BSDC1: variants seen among roughly 807,000 people sequenced by gnomAD.
The protein encoded by BSDC1 is BSD domain containing 1, also known as BSD domain-containing protein 1.
A neutral mutation model predicts 56.0 loss-of-function variants in BSDC1; 29 were observed. The ratio of observed to expected loss-of-function variants is 0.52; its 90% CI spans 0.39 to 0.71. The LOEUF (loss-of-function observed/expected upper bound fraction) is 0.71, where lower values mean the gene tolerates loss of function less well. BSDC1 is among the 30% of genes least tolerant of loss of function. The probability of loss-of-function intolerance (pLI) is 0.00; values close to 1 mark genes in which losing one functional copy is unlikely to be tolerated. For missense variants in BSDC1, 477 were observed against 548.5 expected, an observed-to-expected ratio of 0.87 and a Z score of 1.30; for synonymous variants, 210 against 215.3, an observed-to-expected ratio of 0.98 and a Z score of 0.21.
rs779922889 is a variant in BSDC1, at chr1:32,394,106, G to C, written c.46C>G (p.Gln16Glu). 3.7e-6 allele frequency: 6 copies of C among 1,610,024 alleles called. No homozygotes were observed. The highest frequency in any genetic ancestry group is 1.3e-5 in the African/African-American group (1 of 74,824). ...TTCTCTTTGACTGCTTGGTAGCTCT[G>C]CTGCAGCCAGCTCCGCCACCATCCC... Reference protein sequence around the residue: ...DVGWWRSWLQQSYQAVKEKSS... With the variant: ...DVGWWRSWLQESYQAVKEKSS... Residue 16 changes from glutamine to glutamate, a missense_variant, in exon 2 of 11, where the codon CAG becomes GAG. Gln to Glu is a conservative substitution (Grantham distance 29). Coordinates refer to ENST00000455895, the MANE Select transcript of BSDC1 (RefSeq NM_018045.8).
Position 32,376,321 on chromosome 1 carries a change from C to T in BSDC1, c.1097G>A (p.Arg366Gln), listed in dbSNP as rs1475430376. 5.0e-6 allele frequency: 8 copies of T among 1,600,782 alleles called. No homozygotes were observed. The highest frequency in any genetic ancestry group is 4.4e-5 in the South Asian group (4 of 90,258). Reference protein sequence around the residue: ...TLREEAPTDLRVFELNSDSGK... With the variant: ...TLREEAPTDLQVFELNSDSGK... The stretch of plus-strand genomic sequence containing the variant: ...ACTATCCGAGTTCAGCTCAAACACC[C>T]GTAAGTCTGTGGGCGCCTCCTCCCT... Residue 366 changes from arginine to glutamine, a missense_variant, in exon 9 of 11, where the codon CGG (arginine) becomes CAG (glutamine). By Grantham distance (43) the Arg-to-Gln change is conservative (BLOSUM62 1). Coordinates refer to ENST00000455895, the MANE Select transcript of BSDC1 (RefSeq NM_018045.8).
chr1:32,393,212 C>G (rs140809156), intron 2 of BSDC1, among the ~76,000 whole-genome samples: 2 of 152,208 alleles, frequency 1.3e-5, no homozygotes, highest in African/African-American at 4.8e-5. Context: ...CTGATTTTGA[C>G]AAATAAGCAT....
At chr1:32,385,418 GA>G (rs1642629439) in intron 3 of BSDC1, among the ~76,000 whole-genome samples, 2 of 152,102 alleles carry the variant, frequency 1.3e-5, no homozygotes, top group South Asian at 4.1e-4. Context: ...TGTATCCCCT[GA>G]ATCTAAAATT....
intron 9 of BSDC1, 150 bp from the exon 10 acceptor site, chr1:32,368,700 CTTTTTT>C (rs112555694): frequency 5.2e-6 from 5 of 960,414 alleles, no homozygotes; most frequent in Non-Finnish European, 7.1e-6. Context: ...ACCAATCGTA[CTTTTTT>C]TTTTTGTTTT....
intron 2 of BSDC1, chr1:32,393,877 C>A (rs1642952353): frequency 1.8e-6 from 1 of 556,704 alleles, no homozygotes; most frequent in Non-Finnish European, 3.2e-6. Flanking sequence ...TTAAAACCAT[C>A]TTTATTTCAC....
At chr1:32,371,700 G>A (rs750104813) in intron 9 of BSDC1, among the ~76,000 whole-genome samples, 3 of 151,528 alleles carry the variant, frequency 2.0e-5, no homozygotes, top group Non-Finnish European at 4.4e-5. Context: ...CTTCTTCTCC[G>A]ACCTACTCCT....
Position 32,370,464 on chromosome 1 carries a change from C to A in BSDC1, c.1157-1914G>T, listed in dbSNP as rs534278222. Among the ~76,000 whole-genome samples, 105 of 152,182 alleles carry A rather than the reference C, an allele frequency of 6.9e-4. 2 individuals carry two copies. The South Asian group carries it at 0.021, about 31-fold the overall frequency. On this transcript the variant is annotated intron_variant, in intron 9 of 10. Transcript: ENST00000455895. Reference sequence around the variant, plus strand: ...ATAGTTGGCACTCAATAGTCACAGACCCTTTCTGTAAACCAGGGGTTGGCA... The same window carrying A: ...ATAGTTGGCACTCAATAGTCACAGAACCTTTCTGTAAACCAGGGGTTGGCA...
chr1:32,366,350 C>G lies in BSDC1; in HGVS notation c.*272G>C, dbSNP rs1557631273. 1.5e-6 allele frequency: 1 copy of G among 652,902 alleles called. No individual in the cohort carries two copies. The highest frequency in any genetic ancestry group is 1.8e-5 in the African/African-American group (1 of 55,586). The allele number at this position is 652,902 out of a possible 1,614,324, so 40.4% of individuals were successfully genotyped here. On this transcript the variant is annotated 3_prime_UTR_variant, in exon 11 of 11. Coordinates refer to ENST00000455895, the MANE Select transcript of BSDC1 (RefSeq NM_018045.8). ...ACAGTGGGTGTTCAGCAGAAAAACACAGGCTCTTCTGGTGAGGAGGATAGG... is the reference window on the plus strand; with the variant it reads ...ACAGTGGGTGTTCAGCAGAAAAACAGAGGCTCTTCTGGTGAGGAGGATAGG...
intron 4 of BSDC1, among the ~76,000 whole-genome samples, chr1:32,382,676 A>G (rs1355265518): frequency 6.7e-6 from 1 of 149,424 alleles, no homozygotes; most frequent in Non-Finnish European, 1.5e-5. Flanking sequence ...GCCTAGGCAG[A>G]ATAGGGAGAC....
chr1:32,367,393 G>T (rs1006011147), intron 10 of BSDC1: 1 of 985,408 alleles, frequency 1.0e-6, no homozygotes, highest in Non-Finnish European at 1.2e-6. Context: ...TCTGTCCTGG[G>T]TATAGTGAGG....
Position 32,376,413 on chromosome 1 carries a change from C to G in BSDC1, c.1005G>C (p.Lys335Asn), listed in dbSNP as rs1382913573. Residue 335 changes from lysine to asparagine, a missense_variant, in exon 9 of 11, where the codon AAG (lysine) becomes AAC (asparagine). Lys to Asn is a moderately conservative substitution (Grantham distance 94, BLOSUM62 0). Transcript: ENST00000455895. ...CGGTGTGGCCAGCAGGCGTTAGGGG[C>G]TTGGAGTGAATAGGGGGTGAGGGTC... ...ETGPSPPIHS[K>N]PLTPAGHTGG... 6.2e-7 allele frequency: 1 copy of G among 1,613,794 alleles called. No homozygotes were observed. The highest frequency in any genetic ancestry group is 1.7e-5 in the Admixed American group (1 of 60,010).
chr1:32,369,146 G>T, intron 9 of BSDC1: 1 of 630,818 alleles, frequency 1.6e-6, no homozygotes, highest in Non-Finnish European at 2.4e-6. Flanking sequence ...TAAACAGTGA[G>T]TTACATGGTG....
At position 32,378,930 on chromosome 1, in the gene BSDC1, A is replaced by T; in HGVS notation, c.413-91T>A. On this transcript the variant is annotated intron_variant, in intron 5 of 10. Coordinates refer to ENST00000455895, the MANE Select transcript of BSDC1 (RefSeq NM_018045.8). This position sits in a 1 kb window ranked among gnomAD's most constrained non-coding sequence, Gnocchi z 5.2. ...ACATATCTAAGGCTGGACATGGAAA[A>T]TGAAGAAAGCTTGTGTATTCAAAGC... 4.3e-6 allele frequency: 4 copies of T among 923,302 alleles called. No homozygotes were observed. Among genetic ancestry groups the T allele is most frequent in the Non-Finnish European group, 6.0e-6 (4 of 663,052 alleles). The allele number at this position is 923,302 out of a possible 1,614,324, so 57.2% of individuals were successfully genotyped here. A position where few individuals can be genotyped will look rare whatever the true frequency, so the allele number is the denominator to read the frequency against.
rs966116641 is a variant in BSDC1, at chr1:32,366,514, T to C, written c.*108A>G. ...CCAGAATCTGTGCCCAGAGCTCTGG[T>C]TGGCAGAGGAGATTTGGGGGAACAT... On this transcript the variant is annotated 3_prime_UTR_variant, in exon 11 of 11. Coordinates refer to ENST00000455895, the MANE Select transcript of BSDC1 (RefSeq NM_018045.8). 17 of 1,089,538 alleles carry C rather than the reference T, an allele frequency of 1.6e-5. No individual in the cohort carries two copies. The highest frequency in any genetic ancestry group is 2.3e-5 in the Non-Finnish European group (17 of 725,188). The allele number at this position is 1,089,538 out of a possible 1,614,324, so 67.5% of individuals were successfully genotyped here. A position where few individuals can be genotyped will look rare whatever the true frequency, so the allele number is the denominator to read the frequency against.
At chr1:32,383,700 AT>A (rs1642566227) in intron 4 of BSDC1, 129 bp downstream of exon 4, 1 of 702,400 alleles carries the variant, frequency 1.4e-6, no homozygotes, top group African/African-American at 1.8e-5. Context: ...GTATTTTCTG[AT>A]TTACTATTAA....
At chr1:32,390,322 G>A (rs943804624) in intron 2 of BSDC1, among the ~76,000 whole-genome samples, 2 of 152,200 alleles carry the variant, frequency 1.3e-5, no homozygotes, top group Non-Finnish European at 2.9e-5. Flanking sequence ...AAAAATGTGA[G>A]TAAGGACAAT....
rs779532794 is a variant in BSDC1 at position 32,378,027 on chromosome 1, G to A, written c.619C>T (p.Leu207=). The change falls in exon 8 of 11, where the codon CTG becomes TTG. Residue 207 remains leucine (L), a synonymous_variant. Coordinates refer to ENST00000455895, the MANE Select transcript of BSDC1 (RefSeq NM_018045.8). The surrounding 1 kb of genome is among the most constrained non-coding windows in gnomAD (Gnocchi z 5.2). ...LEQEQARRDA[L]KQRAEQSISE... ...ATGCTCTGTTCCGCCCGCTGCTTCAGGGCGTCCCTCCGGGCCTGCTCCTGA... is the reference window on the plus strand; with the variant it reads ...ATGCTCTGTTCCGCCCGCTGCTTCAAGGCGTCCCTCCGGGCCTGCTCCTGA... 1 of 1,613,110 alleles carries A rather than the reference G, an allele frequency of 6.2e-7. No homozygotes were observed. Among genetic ancestry groups the A allele is most frequent in the South Asian group, 1.1e-5 (1 of 90,844 alleles).
chr1:32,384,029 C>T (rs1181762962), intron 3 of BSDC1, 32 bp from the exon 4 acceptor site: 1 of 1,612,660 alleles, frequency 6.2e-7, no homozygotes, highest in Admixed American at 1.7e-5. Context: ...GAAGCAAGCG[C>T]CCCGGGAACA....
At position 32,376,547 on chromosome 1, in the gene BSDC1, T is replaced by C; in HGVS notation, c.871A>G (p.Asn291Asp). The part of the protein sequence containing the change: ...ESISLVTQIA[N>D]PATAPEARVL... ...CGTGCCTCAGGTGCAGTGGCCGGGT[T>C]GGCGATCTGTGTCACGAGGGAGATG... Residue 291 changes from asparagine (N) to aspartate (D), a missense_variant, in exon 9 of 11, where the codon AAC (asparagine) becomes GAC (aspartate). Transcript: ENST00000455895. 1 of 1,555,952 alleles carries C rather than the reference T, an allele frequency of 6.4e-7. No individual in the cohort carries two copies. The highest frequency in any genetic ancestry group is 8.8e-7 in the Non-Finnish European group (1 of 1,142,718).
Sources: allele counts gnomAD v4.1 joint callset (sites outside exome capture counted in the v4.1 genomes callset), GRCh38; gene constraint gnomAD v4.1.1; non-coding constraint Gnocchi (gnomAD v3.1); transcripts MANE v1.5; gene names NCBI Gene and HGNC (gene_info 2026-07-23, HGNC 2026-07-21).